The following CORIN variants were observed in gnomAD, a reference collection of about 807,000 sequenced individuals.
CORIN encodes the protein atrial natriuretic peptide-converting enzyme.
Under a neutral mutation model 125.3 loss-of-function variants are expected in CORIN, and 117 were observed. The observed-to-expected ratio is 0.93, with a 90% CI of 0.80 to 1.09. The LOEUF (loss-of-function observed/expected upper bound fraction) is 1.09. Ranked by LOEUF, CORIN falls within the 50% of genes least tolerant of loss-of-function variation. The pLI, the probability that CORIN is intolerant of heterozygous loss-of-function variation, is 0.00. For synonymous variants in CORIN, 450 were observed against 466.4 expected, an observed-to-expected ratio of 0.96 and a Z score of 0.45; for missense variants, 1,253 against 1,306.7, an observed-to-expected ratio of 0.96 and a Z score of 0.63.
chr4:47,812,147 A>C (rs1732091181), intron 1 of CORIN, among the ~76,000 whole-genome samples: 1 of 152,166 alleles, frequency 6.6e-6, no homozygotes, highest in Non-Finnish European at 1.5e-5. Flanking sequence ...GTGCAAAGTT[A>C]CTCCAGAAAA....
chr4:47,803,721 A>C (rs1477426376), intron 2 of CORIN, among the ~76,000 whole-genome samples: 2 of 152,250 alleles, frequency 1.3e-5, no homozygotes, highest in Non-Finnish European at 2.9e-5. Context: ...TGGATTAAAG[A>C]CTTAAATATA....
intron 6 of CORIN, among the ~76,000 whole-genome samples, chr4:47,687,480 A>T (rs1193885329): frequency 1.3e-5 from 2 of 151,686 alleles, no homozygotes; most frequent in Non-Finnish European, 2.9e-5. Flanking sequence ...TCTTAAGGAG[A>T]GCTTGATACA....
At chr4:47,655,104 C>T (rs367854297) in intron 12 of CORIN, among the ~76,000 whole-genome samples, 112 of 152,174 alleles carry the variant, frequency 7.4e-4, no homozygotes, top group African/African-American at 2.6e-3. Flanking sequence ...AGAAAAGGGC[C>T]CAGCCCTGGC....
At chr4:47,816,136 A>G (rs991768201) in intron 1 of CORIN, among the ~76,000 whole-genome samples, 1 of 152,230 alleles carries the variant, frequency 6.6e-6, no homozygotes. Flanking sequence ...AGGCATTTCA[A>G]TGCAAAGTAA....
In CORIN at chr4:47,595,663, G is replaced by T; in HGVS notation, c.*58C>A. On this transcript the variant is annotated 3_prime_UTR_variant, in exon 22 of 22. Transcript: ENST00000273857. ...AGCTCTCTGCAGGCAGCTCTTCACA[G>T]TCAAGAAGGCCATTTTCTTTTAGTG... 1 of 1,431,168 alleles carries T rather than the reference G, an allele frequency of 7.0e-7. No individual in the cohort carries two copies. 88.7% of individuals were successfully genotyped at this position (1,431,168 alleles called of 1,614,324 possible). A position where few individuals can be genotyped will look rare whatever the true frequency, so the allele number is the denominator to read the frequency against.
intron 3 of CORIN, among the ~76,000 whole-genome samples, chr4:47,773,197 T>C (rs1730140698): frequency 1.3e-5 from 2 of 152,202 alleles, no homozygotes; most frequent in Admixed American, 1.3e-4. Context: ...TTGTTTTTCA[T>C]GCCAACAGTG....
chr4:47,815,681 A>G (rs1732235389), intron 1 of CORIN, among the ~76,000 whole-genome samples: 1 of 152,166 alleles, frequency 6.6e-6, no homozygotes, highest in African/African-American at 2.4e-5. Context: ...CTCTTTCTGC[A>G]TATATTGGAG....
chr4:47,656,255 G>C (rs1054978829), intron 12 of CORIN, among the ~76,000 whole-genome samples: 1 of 150,512 alleles, frequency 6.6e-6, no homozygotes, highest in Non-Finnish European at 1.5e-5. Context: ...TCCCAGGTTC[G>C]AGTGATTCTC....
chr4:47,697,539 C>A (rs995316315), intron 5 of CORIN, among the ~76,000 whole-genome samples: 3 of 151,932 alleles, frequency 2.0e-5, no homozygotes, highest in Non-Finnish European at 4.4e-5. Flanking sequence ...CATGGTGAAA[C>A]CCCATCTCTA....
chr4:47,739,970 C>A (rs1281809407), intron 5 of CORIN, among the ~76,000 whole-genome samples: 3 of 151,742 alleles, frequency 2.0e-5, no homozygotes, highest in African/African-American at 7.2e-5. Context: ...AAATGGCACA[C>A]CCCAATATAT....
At chr4:47,768,899 A>G (rs984873678) in intron 3 of CORIN, among the ~76,000 whole-genome samples, 5 of 152,216 alleles carry the variant, frequency 3.3e-5, no homozygotes, top group African/African-American at 1.2e-4. Flanking sequence ...GCCATCCTCT[A>G]AGATCAGGAA....
At chr4:47,738,717 T>C (rs1728246316) in intron 5 of CORIN, among the ~76,000 whole-genome samples, 1 of 152,186 alleles carries the variant, frequency 6.6e-6, no homozygotes, top group Non-Finnish European at 1.5e-5. Flanking sequence ...CAACAAAAAC[T>C]GTTCCTGAGG....
chr4:47,684,965 A>G (rs1223412227), intron 6 of CORIN, among the ~76,000 whole-genome samples: 1 of 152,198 alleles, frequency 6.6e-6, no homozygotes, highest in African/African-American at 2.4e-5. Flanking sequence ...TTAAAACCAC[A>G]AGAAGATATA....
intron 12 of CORIN, among the ~76,000 whole-genome samples, chr4:47,658,637 G>A (rs1344540527): frequency 6.6e-6 from 1 of 152,232 alleles, no homozygotes; most frequent in Non-Finnish European, 1.5e-5. Flanking sequence ...GGGGACCTGG[G>A]CCTGGCCCAT....
At position 47,769,250 on chromosome 4, in the gene CORIN, A is replaced by G. The variant is rs1043358656; in HGVS notation, c.410-5664T>C. On this transcript the variant is annotated intron_variant, in intron 3 of 21. Coordinates refer to ENST00000273857, the MANE Select transcript of CORIN (RefSeq NM_006587.4). Reference sequence around the variant, plus strand: ...TTTATACATTAACAACAAACTGTACAAAAAAGAAATCGAGAAAACAATCAC... The same window carrying G: ...TTTATACATTAACAACAAACTGTACGAAAAAGAAATCGAGAAAACAATCAC... Among the ~76,000 whole-genome samples, 4 of 152,220 alleles carry G rather than the reference A, an allele frequency of 2.6e-5. No individual in the cohort carries two copies. In the East Asian group the frequency reaches 7.7e-4, roughly 29 times the overall value.
chr4:47,736,350 T>G (rs1198313373), intron 5 of CORIN, among the ~76,000 whole-genome samples: 1 of 152,160 alleles, frequency 6.6e-6, no homozygotes, highest in Admixed American at 6.5e-5. Context: ...TCAATGCCCC[T>G]GTCAAGTACA....
intron 10 of CORIN, among the ~76,000 whole-genome samples, chr4:47,670,997 A>C (rs1177040056): frequency 1.3e-5 from 2 of 152,200 alleles, no homozygotes; most frequent in Non-Finnish European, 1.5e-5. Flanking sequence ...TGTGAATTTA[A>C]AATAAGCTTC....
chr4:47,672,136 C>A (rs1182107277), intron 10 of CORIN, among the ~76,000 whole-genome samples: 2 of 152,152 alleles, frequency 1.3e-5, no homozygotes, highest in Non-Finnish European at 2.9e-5. Context: ...TTCTCCCACA[C>A]TGAAAAGTGA....
chr4:47,606,823 C>G (rs1448146666), intron 19 of CORIN, among the ~76,000 whole-genome samples: 2 of 151,984 alleles, frequency 1.3e-5, no homozygotes, highest in African/African-American at 4.8e-5. Flanking sequence ...AAGTGCATTA[C>G]CATCTGAGAA....
Sources: allele counts gnomAD v4.1 joint callset (sites outside exome capture counted in the v4.1 genomes callset), GRCh38; gene constraint gnomAD v4.1.1; transcripts MANE v1.5; gene names NCBI Gene and HGNC (gene_info 2026-07-23, HGNC 2026-07-21).